TAFA5: variants seen among roughly 807,000 people sequenced by gnomAD.
The protein encoded by TAFA5 is chemokine-like protein TAFA-5.
In TAFA5, 6 loss-of-function variants were observed where a neutral mutation model predicts 15.3. The ratio of observed to expected loss-of-function variants is 0.39; its 90% confidence interval spans 0.21 to 0.77. The LOEUF (loss-of-function observed/expected upper bound fraction) is 0.77. Ranked by LOEUF, TAFA5 falls within the 30% of genes least tolerant of loss-of-function variation. The pLI, the probability that TAFA5 is intolerant of heterozygous loss-of-function variation, is 0.41. For synonymous variants in TAFA5, 103 were observed against 80.7 expected (o/e 1.28, Z -1.48); for missense variants, 161 against 193.1 (o/e 0.83, Z 0.98).
chr22:48,695,047 T>G (rs1337476340), intron 2 of TAFA5, among the ~76,000 whole-genome samples: 3 of 151,966 alleles, frequency 2.0e-5, no homozygotes, highest in Non-Finnish European at 2.9e-5. Context: ...TTACTGCCTG[T>G]GGGTTCTTCT....
chr22:48,683,363 C>T (rs1439906975), intron 2 of TAFA5, among the ~76,000 whole-genome samples: 3 of 152,228 alleles, frequency 2.0e-5, no homozygotes, highest in Non-Finnish European at 2.9e-5. Flanking sequence ...GCGCCAGGTA[C>T]GGCACTTGCT....
chr22:48,597,222 G>A lies in TAFA5; in HGVS notation c.113-49375G>A, dbSNP rs115015573. On this transcript the variant is annotated intron_variant, in intron 1 of 3. Transcript: ENST00000402357. ...GGCCTTCCCTGAGCGTGTCCCCAGA[G>A]TGTCCCCAGGAACACCTGCTGCCCC... Among the ~76,000 whole-genome samples the A allele has an allele frequency of 3.3e-3, 502 of 152,366 alleles. 5 individuals carry two copies. The highest frequency in any genetic ancestry group is 0.012 in the African/African-American group (479 of 41,582).
chr22:48,654,298 G>A (rs1202559530), intron 2 of TAFA5, among the ~76,000 whole-genome samples: 6 of 152,208 alleles, frequency 3.9e-5, no homozygotes, highest in Non-Finnish European at 8.8e-5. Flanking sequence ...CCTCCCCTGG[G>A]GCTGGGGCGC....
At chr22:48,582,137 T>C (rs192644234) in intron 1 of TAFA5, among the ~76,000 whole-genome samples, 180 of 152,154 alleles carry the variant, frequency 1.2e-3, no homozygotes, top group African/African-American at 4.0e-3. Context: ...CTGGGCTCTG[T>C]GTGTGAGCCC....
At chr22:48,584,792 A>G (rs569093436) in intron 1 of TAFA5, among the ~76,000 whole-genome samples, 1 of 150,650 alleles carries the variant, frequency 6.6e-6, no homozygotes, top group Admixed American at 6.6e-5. Flanking sequence ...GCTACATGCC[A>G]CTCACCACAC....
At chr22:48,667,551 ATATT>A (rs1927659551) in intron 2 of TAFA5, among the ~76,000 whole-genome samples, 1 of 152,040 alleles carries the variant, frequency 6.6e-6, no homozygotes, top group Non-Finnish European at 1.5e-5. Flanking sequence ...TCCCCTGTTG[ATATT>A]TATTTATCTC....
At chr22:48,741,069 C>T (rs998483572) in intron 3 of TAFA5, among the ~76,000 whole-genome samples, 2 of 152,210 alleles carry the variant, frequency 1.3e-5, no homozygotes, top group African/African-American at 2.4e-5. Context: ...GCGCTCACAG[C>T]GCTGTTGTGT....
Position 48,598,587 on chromosome 22 carries a change from C to T in TAFA5, c.113-48010C>T, listed in dbSNP as rs562820358. Reference sequence around the variant, plus strand: ...TCCATGTAGGCTGCCATGGTGTCACCGGCTGACCTGGTTTCACTCACACTT... The same window carrying T: ...TCCATGTAGGCTGCCATGGTGTCACTGGCTGACCTGGTTTCACTCACACTT... On this transcript the variant is annotated intron_variant, in intron 1 of 3. Transcript: ENST00000402357. The surrounding 1 kb of genome is among the most constrained non-coding windows in gnomAD (Gnocchi z 4.0). Among the ~76,000 whole-genome samples, 42 of 152,130 alleles carry T rather than the reference C, an allele frequency of 2.8e-4. No individual in the cohort carries two copies. The highest frequency in any genetic ancestry group is 8.0e-4 in the African/African-American group (33 of 41,430).
intron 1 of TAFA5, among the ~76,000 whole-genome samples, chr22:48,619,062 C>G (rs1269156846): frequency 6.6e-6 from 1 of 152,180 alleles, no homozygotes; most frequent in Non-Finnish European, 1.5e-5. Context: ...GTCAGCTGTT[C>G]GGCTTTCCAC....
chr22:48,581,436 C>T (rs1233232499), intron 1 of TAFA5, among the ~76,000 whole-genome samples: 3 of 152,218 alleles, frequency 2.0e-5, no homozygotes, highest in Non-Finnish European at 2.9e-5. Context: ...ATGTTGCTGC[C>T]GTGCTGAGCA....
At chr22:48,658,655 C>G (rs1333198222) in intron 2 of TAFA5, among the ~76,000 whole-genome samples, 4 of 152,220 alleles carry the variant, frequency 2.6e-5, no homozygotes, top group Non-Finnish European at 5.9e-5. Flanking sequence ...CTGAGCCCCA[C>G]AAAGGGTGGA....
Position 48,503,314 on chromosome 22 carries a change from G to A in TAFA5, c.112+13610G>A, listed in dbSNP as rs148148869. Among the ~76,000 whole-genome samples, 788 of 152,372 alleles carry A rather than the reference G, an allele frequency of 5.2e-3. 10 individuals are homozygous for A. Among genetic ancestry groups the A allele is most frequent in the African/African-American group, 0.018 (732 of 41,588 alleles). On this transcript the variant is annotated intron_variant, in intron 1 of 3. Coordinates refer to ENST00000402357, the MANE Select transcript of TAFA5 (RefSeq NM_001082967.3). ...GTGAAAAGTCTGGCTGGTGCCAGGT[G>A]CATGGGAAGCCACTGACTCGTGGGC...
intron 2 of TAFA5, among the ~76,000 whole-genome samples, chr22:48,676,811 G>A (rs561785424): frequency 1.3e-5 from 2 of 152,238 alleles, no homozygotes; most frequent in African/African-American, 4.8e-5. Flanking sequence ...CCTTGAGGAG[G>A]TCAACTGATT....
intron 3 of TAFA5, among the ~76,000 whole-genome samples, chr22:48,719,461 G>T (rs1032932718): frequency 6.6e-6 from 1 of 152,214 alleles, no homozygotes; most frequent in Non-Finnish European, 1.5e-5. Flanking sequence ...GATGGCCAGG[G>T]GAGAGGAAAA....
At chr22:48,739,872 G>A (rs571068101) in intron 3 of TAFA5, among the ~76,000 whole-genome samples, 10 of 152,228 alleles carry the variant, frequency 6.6e-5, no homozygotes, top group East Asian at 1.9e-4. Context: ...TCCCCGGCGC[G>A]AGGCACGATT....
At chr22:48,504,457 A>G (rs1920973924) in intron 1 of TAFA5, among the ~76,000 whole-genome samples, 1 of 152,140 alleles carries the variant, frequency 6.6e-6, no homozygotes, top group Non-Finnish European at 1.5e-5. Flanking sequence ...TCACACCATC[A>G]TTTGAAGGAG....
chr22:48,563,567 G>T (rs1923311658), intron 1 of TAFA5, among the ~76,000 whole-genome samples: 1 of 152,240 alleles, frequency 6.6e-6, no homozygotes, highest in South Asian at 2.1e-4. Flanking sequence ...CATCTGAGAA[G>T]GGGCTCTTGC....
chr22:48,651,870 T>G (rs1407602624), intron 2 of TAFA5, among the ~76,000 whole-genome samples: 1 of 152,060 alleles, frequency 6.6e-6, no homozygotes, highest in Non-Finnish European at 1.5e-5. Flanking sequence ...CTGGAGATGG[T>G]CCTGTCCTTG....
At chr22:48,564,329 G>A (rs1253845956) in intron 1 of TAFA5, among the ~76,000 whole-genome samples, 1 of 152,262 alleles carries the variant, frequency 6.6e-6, no homozygotes, top group African/African-American at 2.4e-5. Context: ...GGGCTTCAGG[G>A]CACGTTGGGT....
Sources: allele counts gnomAD v4.1 joint callset (sites outside exome capture counted in the v4.1 genomes callset), GRCh38; gene constraint gnomAD v4.1.1; non-coding constraint Gnocchi (gnomAD v3.1); transcripts MANE v1.5; gene names NCBI Gene and HGNC (gene_info 2026-07-23, HGNC 2026-07-21).